Variants in CDH13 observed in about 807,000 individuals in gnomAD.
CDH13 encodes the protein cadherin-13.
CDH13 carries 24 observed loss-of-function variants against 63.8 expected under a neutral mutation model. The observed-to-expected ratio is 0.38, with a 90% CI of 0.27 to 0.53. The LOEUF is 0.53. CDH13 is among the 20% of genes least tolerant of loss of function. The pLI is 0.85. For missense variants in CDH13, 1,049 were observed against 903.1 expected, an observed-to-expected ratio of 1.16 and a Z score of -2.07; for synonymous variants, 503 against 355.3, an observed-to-expected ratio of 1.42 and a Z score of -4.67.
chr16:83,377,962 G>A (rs2091487820), intron 6 of CDH13, among the ~76,000 whole-genome samples: 1 of 152,184 alleles, frequency 6.6e-6, no homozygotes, highest in Non-Finnish European at 1.5e-5. Context: ...GGCTTAATGA[G>A]TAGAAGATGA....
intron 1 of CDH13, chr16:82,773,555 A>C (rs2151100347): frequency 6.6e-6 from 1 of 152,300 alleles, no homozygotes; most frequent in East Asian, 1.9e-4. Flanking sequence ...TGCTTTTATC[A>C]TGTGTTTTAT....
chr16:83,755,745 T>A (rs1913453982), intron 11 of CDH13, among the ~76,000 whole-genome samples: 1 of 126,272 alleles, frequency 7.9e-6, no homozygotes, highest in African/African-American at 2.7e-5. Context: ...TAAAGACTTT[T>A]GGGGCAAAAA....
intron 4 of CDH13, among the ~76,000 whole-genome samples, chr16:83,192,861 C>G (rs2038763216): frequency 6.6e-6 from 1 of 152,132 alleles, no homozygotes; most frequent in Non-Finnish European, 1.5e-5. Context: ...AACAGTGCAT[C>G]TAAAAGATGA....
At chr16:83,136,174 T>TA (rs11284544) in intron 4 of CDH13, among the ~76,000 whole-genome samples, 3,081 of 139,612 alleles carry the variant, frequency 0.022, 42 homozygotes, top group Non-Finnish European at 0.029. Flanking sequence ...CTATAGAAAT[T>TA]AAAAAAAAAA....
At chr16:82,646,763 G>A (rs1290272659) in intron 1 of CDH13, among the ~76,000 whole-genome samples, 1 of 152,130 alleles carries the variant, frequency 6.6e-6, no homozygotes, top group Non-Finnish European at 1.5e-5. Flanking sequence ...GGCAAAGGAA[G>A]GAGAAAGTAA....
intron 1 of CDH13, among the ~76,000 whole-genome samples, chr16:82,817,201 T>C (rs2151192292): frequency 6.6e-6 from 1 of 152,264 alleles, no homozygotes; most frequent in South Asian, 2.1e-4. Flanking sequence ...TTCCTTTTTC[T>C]GACCATGTCT....
At chr16:83,315,762 A>T (rs79258485) in intron 5 of CDH13, among the ~76,000 whole-genome samples, 7,713 of 152,142 alleles carry the variant, frequency 0.051, 227 homozygotes, top group Middle Eastern at 0.088. Context: ...GTGACCATCA[A>T]TTTATATCTA....
chr16:83,316,486 G>A (rs946872429), intron 5 of CDH13, among the ~76,000 whole-genome samples: 2 of 152,204 alleles, frequency 1.3e-5, no homozygotes, highest in African/African-American at 4.8e-5. Flanking sequence ...TCAGCATGGT[G>A]GGGGATGCTG....
In CDH13 at chr16:82,699,585, A is replaced by G. The variant is rs2030738271; in HGVS notation, c.45+72448A>G. ...CCTCTCCACTAAGAACCTTTTAGAA[A>G]TGGTATTTAAGAGAATGTGCATAAA... On this transcript the variant is annotated intron_variant, in intron 1 of 13. Transcript: ENST00000567109. Among the ~76,000 whole-genome samples, 4 of 152,204 alleles carry G rather than the reference A, an allele frequency of 2.6e-5. No individual in the cohort carries two copies. In the South Asian group the frequency reaches 8.3e-4, roughly 32 times the overall value.
At chr16:83,560,967 A>G (rs2075694767) in intron 7 of CDH13, among the ~76,000 whole-genome samples, 1 of 152,126 alleles carries the variant, frequency 6.6e-6, no homozygotes. Flanking sequence ...ATGTCTAGCA[A>G]ATTAGAACAA....
At chr16:83,080,258 T>C (rs2033142201) in intron 3 of CDH13, among the ~76,000 whole-genome samples, 1 of 152,204 alleles carries the variant, frequency 6.6e-6, no homozygotes, top group Non-Finnish European at 1.5e-5. Context: ...AAATTGGTGA[T>C]GACAGCCAGC....
At chr16:83,309,391 T>TG (rs2089950948) in intron 5 of CDH13, among the ~76,000 whole-genome samples, 1 of 151,868 alleles carries the variant, frequency 6.6e-6, no homozygotes, top group South Asian at 2.1e-4. Flanking sequence ...TTCTTTTTTT[T>TG]TTGAGACAGA....
intron 3 of CDH13, among the ~76,000 whole-genome samples, chr16:83,110,681 T>C (rs906699434): frequency 1.3e-5 from 2 of 152,140 alleles, no homozygotes; most frequent in Admixed American, 6.5e-5. Context: ...TACAGATAGA[T>C]AACCGAAGTA....
At chr16:83,293,866 T>G (rs1314163228) in intron 5 of CDH13, among the ~76,000 whole-genome samples, 1 of 152,308 alleles carries the variant, frequency 6.6e-6, no homozygotes, top group African/African-American at 2.4e-5. Context: ...CCATAATCTC[T>G]AAGGGCTTCA....
chr16:82,665,133 T>A (rs1426080446), intron 1 of CDH13, among the ~76,000 whole-genome samples: 1 of 152,210 alleles, frequency 6.6e-6, no homozygotes, highest in Non-Finnish European at 1.5e-5. Context: ...TTAGCTTTCA[T>A]ACTACAAACA....
chr16:83,657,502 G>A (rs1242120835), intron 8 of CDH13, among the ~76,000 whole-genome samples: 1 of 152,186 alleles, frequency 6.6e-6, no homozygotes, highest in Non-Finnish European at 1.5e-5. Flanking sequence ...TCTATGCTCA[G>A]GATGACAGCC....
intron 6 of CDH13, among the ~76,000 whole-genome samples, chr16:83,449,747 C>G (rs2072829772): frequency 1.3e-5 from 2 of 152,176 alleles, no homozygotes. Context: ...TCATCTTGGA[C>G]AAATCCTTTA....
At chr16:82,887,370 C>T (rs1397238013) in intron 2 of CDH13, among the ~76,000 whole-genome samples, 1 of 152,148 alleles carries the variant, frequency 6.6e-6, no homozygotes, top group African/African-American at 2.4e-5. Context: ...CATTTTCATT[C>T]ATTGTTGTTA....
chr16:83,347,135 G>A (rs2090856089), intron 6 of CDH13, among the ~76,000 whole-genome samples: 1 of 152,172 alleles, frequency 6.6e-6, no homozygotes, highest in African/African-American at 2.4e-5. Context: ...GGCCCCCGAA[G>A]CATTCATGAG....
Sources: allele counts gnomAD v4.1 joint callset (sites outside exome capture counted in the v4.1 genomes callset), GRCh38; gene constraint gnomAD v4.1.1; transcripts MANE v1.5; gene names NCBI Gene and HGNC (gene_info 2026-07-23, HGNC 2026-07-21).